NIT1: variants seen among roughly 807,000 people sequenced by gnomAD.
NIT1 encodes deaminated glutathione amidase.
NIT1 carries 30 observed loss-of-function variants against 36.8 expected under a neutral mutation model. That is an observed-to-expected ratio of 0.82 (90% CI 0.61 to 1.11). The LOEUF is 1.11. Ranked by LOEUF, NIT1 falls within the 50% of genes least tolerant of loss-of-function variation. NIT1 has a pLI of 0.00. For missense variants in NIT1, 438 were observed against 410.6 expected, an observed-to-expected ratio of 1.07 and a Z score of -0.58; for synonymous variants, 151 against 155.6, an observed-to-expected ratio of 0.97 and a Z score of 0.22.
chr1:161,124,696 T>C, downstream of NIT1: 1 of 860,568 alleles, frequency 1.2e-6, no homozygotes, highest in Non-Finnish European at 1.6e-6. Context: ...GCACAGGGGC[T>C]CACACCTGTA....
At chr1:161,123,425 G>A (rs954146600), downstream of NIT1, among the ~76,000 whole-genome samples, 1 of 152,130 alleles carries the variant, frequency 6.6e-6, no homozygotes, top group Admixed American at 6.5e-5. Flanking sequence ...GGATCATGAG[G>A]TCAGGAGATC....
At chr1:161,124,670 A>T, downstream of NIT1, 1 of 1,135,170 alleles carries the variant, frequency 8.8e-7, no homozygotes, top group Non-Finnish European at 1.2e-6. Context: ...TTTGTTTAAA[A>T]ATAAACACTG....
downstream of NIT1, chr1:161,121,824 G>A: frequency 4.2e-6 from 1 of 237,506 alleles, no homozygotes; most frequent in Non-Finnish European, 8.4e-6. Context: ...CCAAAAAAAA[G>A]TGTTCACATC....
downstream of NIT1, chr1:161,124,382 G>T: frequency 6.2e-7 from 1 of 1,614,098 alleles, no homozygotes; most frequent in South Asian, 1.1e-5. Flanking sequence ...CAAACATGCG[G>T]TGCAGGCTGT....
intron 5 of NIT1, 57 bp from the exon 6 acceptor site, chr1:161,120,050 T>TA: frequency 6.2e-7 from 1 of 1,611,448 alleles, no homozygotes; most frequent in African/African-American, 1.3e-5. Flanking sequence ...GAAATATGAC[T>TA]AGATGCTGTG....
chr1:161,120,264 C>T, intron 6 of NIT1, 32 bp downstream of exon 6: 1 of 1,611,368 alleles, frequency 6.2e-7, no homozygotes. Flanking sequence ...ACATAAGGGC[C>T]TTTTCTTAAC....
Position 161,120,618 on chromosome 1 carries a change from A to C in NIT1, c.837A>C (p.Gly279=). Residue 279 remains glycine, a synonymous_variant, in exon 7 of 7, where the codon GGA becomes GGC. Transcript: ENST00000368009. ...ACAGCATGGTGGTAGACCCCTGGGGAACAGTGGTGGCCCGCTGCTCTGAGG... is the reference window on the plus strand; with the variant it reads ...ACAGCATGGTGGTAGACCCCTGGGGCACAGTGGTGGCCCGCTGCTCTGAGG... The part of the protein sequence containing the change: ...YGHSMVVDPW[G]TVVARCSEGP... 6.2e-7 allele frequency: 1 copy of C among 1,614,124 alleles called. No homozygotes were observed. The highest frequency in any genetic ancestry group is 8.5e-7 in the Non-Finnish European group (1 of 1,180,014).
downstream of NIT1, chr1:161,124,798 A>C (rs1271479823): frequency 9.5e-6 from 2 of 209,724 alleles, no homozygotes; most frequent in Admixed American, 1.0e-4. Context: ...CCGTTTCTAC[A>C]AAAAAAGAAA....
At chr1:161,122,717 G>A (rs932694556), downstream of NIT1, among the ~76,000 whole-genome samples, 1 of 152,124 alleles carries the variant, frequency 6.6e-6, no homozygotes, top group African/African-American at 2.4e-5. This position sits in a 1 kb window ranked among gnomAD's most constrained non-coding sequence, Gnocchi z 4.2. Flanking sequence ...TCCCTTAAAC[G>A]GGACATGCCG....
Position 161,120,682 on chromosome 1 carries a change from C to T in NIT1, c.901C>T (p.Leu301=). The T allele has an allele frequency of 6.2e-7, 1 of 1,614,138 alleles. No individual in the cohort carries two copies. Among genetic ancestry groups the T allele is most frequent in the Non-Finnish European group, 8.5e-7 (1 of 1,180,048 alleles). ...CCTTGCCCGAATAGACCTCAACTAT[C>T]TGCGACAGTTGCGCCGACACCTGCC... ...LCLARIDLNY[L]RQLRRHLPVF... is the part of the protein sequence containing the mutation. Residue 301 remains leucine (L), a synonymous_variant, in exon 7 of 7, where the codon CTG becomes TTG. Coordinates refer to ENST00000368009, the MANE Select transcript of NIT1 (RefSeq NM_005600.3).
chr1:161,124,450 T>C, downstream of NIT1: 1 of 1,602,620 alleles, frequency 6.2e-7, no homozygotes, highest in Non-Finnish European at 8.5e-7. Context: ...GCCCGCCGCT[T>C]TAGGCCCGCC....
At chr1:161,118,551 T>C in intron 1 of NIT1, 1 of 1,536,198 alleles carries the variant, frequency 6.5e-7, no homozygotes, top group Non-Finnish European at 8.7e-7. Flanking sequence ...TTCAGTTTAA[T>C]GTGAGATCAT....
chr1:161,122,801 G>T (rs1293083866), downstream of NIT1, among the ~76,000 whole-genome samples: 1 of 152,196 alleles, frequency 6.6e-6, no homozygotes, highest in Non-Finnish European at 1.5e-5. The surrounding 1 kb of genome is among the most constrained non-coding windows in gnomAD (Gnocchi z 4.2). Flanking sequence ...ACCAGGCATA[G>T]AAGTTCATTT....
chr1:161,123,236 A>G (rs774186944), downstream of NIT1: 14 of 1,609,204 alleles, frequency 8.7e-6, no homozygotes, highest in South Asian at 1.3e-4. Context: ...CCAGAAAGTA[A>G]AAGGGAAGAA....
downstream of NIT1, chr1:161,123,153 G>C: frequency 6.2e-7 from 1 of 1,614,122 alleles, no homozygotes; most frequent in Admixed American, 1.7e-5. Context: ...GCTCTCCCTC[G>C]GGCTGGCCGC....
downstream of NIT1, chr1:161,124,464 C>T: frequency 6.3e-7 from 1 of 1,598,282 alleles, no homozygotes; most frequent in Non-Finnish European, 8.6e-7. Context: ...GCCCGCCATG[C>T]TGGGGGCTCA....
chr1:161,119,381 C>G lies in NIT1; in HGVS notation c.346C>G (p.Leu116Val), dbSNP rs371279306. Reference sequence around the variant, plus strand: ...GAAACTTTTGGAAGAATACACCCAGCTTGCCAGGTATCAGGGAAATAGCGA... The same window carrying G: ...GAAACTTTTGGAAGAATACACCCAGGTTGCCAGGTATCAGGGAAATAGCGA... The part of the protein sequence containing the change: ...GGKLLEEYTQ[L>V]ARECGLWLSL... The change falls in exon 3 of 7, where the codon CTT becomes GTT. Residue 116 changes from leucine (L) to valine (V), a missense_variant. By Grantham distance (32) the Leu-to-Val change is conservative (BLOSUM62 1). Transcript: ENST00000368009. 2 of 1,613,774 alleles carry G rather than the reference C, an allele frequency of 1.2e-6. No homozygotes were observed. Among genetic ancestry groups the G allele is most frequent in the East Asian group, 2.2e-5 (1 of 44,870 alleles).
chr1:161,118,587 A>G, intron 1 of NIT1, 199 bp from the exon 2 acceptor site: 1 of 1,536,308 alleles, frequency 6.5e-7, no homozygotes, highest in Non-Finnish European at 8.7e-7. Flanking sequence ...TCAGGCGGCG[A>G]GCAGAGCCCC....
At chr1:161,120,282 T>TC (rs745917870) in intron 6 of NIT1, 50 bp downstream of exon 6, 2 of 1,605,604 alleles carry the variant, frequency 1.2e-6, no homozygotes, top group Non-Finnish European at 1.7e-6. Context: ...AACCTCATCT[T>TC]CCCCCCTTGG....
Sources: gnomAD v4.1 joint callset for allele counts (sites outside exome capture counted in the v4.1 genomes callset) on GRCh38, gnomAD v4.1.1 for gene constraint, Gnocchi (gnomAD v3.1) non-coding constraint, MANE v1.5 for transcripts, NCBI Gene and HGNC (gene_info 2026-07-23, HGNC 2026-07-21) for gene names.